Variants in ATP6V1C2 observed in about 807,000 individuals in gnomAD.
The protein encoded by ATP6V1C2 is ATPase H+ transporting V1 subunit C2, also known as V-type proton ATPase subunit C 2.
ATP6V1C2 carries 45 observed loss-of-function variants against 56.8 expected under a neutral mutation model. That is an observed-to-expected ratio of 0.79 (90% CI 0.62 to 1.02). The LOEUF (loss-of-function observed/expected upper bound fraction) is 1.02. Ranked by LOEUF, ATP6V1C2 falls within the 50% of genes least tolerant of loss-of-function variation. The pLI is 0.00. For synonymous variants in ATP6V1C2, 220 were observed against 201.3 expected, an observed-to-expected ratio of 1.09 and a Z score of -0.79; for missense variants, 463 against 519.7, an observed-to-expected ratio of 0.89 and a Z score of 1.06.
chr2:10,755,655 C>T (rs543754121), intron 4 of ATP6V1C2, among the ~76,000 whole-genome samples: 1 of 152,338 alleles, frequency 6.6e-6, no homozygotes, highest in East Asian at 1.9e-4. Flanking sequence ...TGCCCCTCCA[C>T]CCTCTCCAGA....
At chr2:10,777,230 C>G (rs773643813) in intron 10 of ATP6V1C2, among the ~76,000 whole-genome samples, 2 of 152,198 alleles carry the variant, frequency 1.3e-5, no homozygotes, top group African/African-American at 2.4e-5. Flanking sequence ...CTTGACAGAG[C>G]GCAGAGAGCC....
intron 6 of ATP6V1C2, 118 bp from the exon 7 acceptor site, chr2:10,771,720 TC>T: frequency 1.3e-6 from 1 of 763,936 alleles, no homozygotes; most frequent in South Asian, 1.5e-5. Context: ...GGCTCCAGCA[TC>T]CCTGGCACCC....
At position 10,763,688 on chromosome 2, in the gene ATP6V1C2, T is replaced by C. The variant is rs1572576574; in HGVS notation, c.284-643T>C. ...CGGCGTATTAAAAGAGGTCAGGTCCTGGGGCGGCTGGCCCAGGTAGCTCTC... is the reference window on the plus strand; with the variant it reads ...CGGCGTATTAAAAGAGGTCAGGTCCCGGGGCGGCTGGCCCAGGTAGCTCTC... On this transcript the variant is annotated intron_variant, in intron 4 of 13. Coordinates refer to ENST00000272238, the MANE Select transcript of ATP6V1C2 (RefSeq NM_001039362.2). This position sits in a 1 kb window ranked among gnomAD's most constrained non-coding sequence, Gnocchi z 4.2. Among the ~76,000 whole-genome samples, 1 of 152,316 alleles carries C rather than the reference T, an allele frequency of 6.6e-6. No individual in the cohort carries two copies. The highest frequency in any genetic ancestry group is 2.4e-5 in the African/African-American group (1 of 41,578).
intron 8 of ATP6V1C2, 52 bp downstream of exon 8, chr2:10,772,662 G>A: frequency 1.3e-6 from 2 of 1,510,716 alleles, no homozygotes; most frequent in Non-Finnish European, 1.8e-6. Context: ...ATGTGTGGGT[G>A]CTTCAGGGCA....
chr2:10,737,256 A>T (rs1662299188), intron 3 of ATP6V1C2, among the ~76,000 whole-genome samples: 1 of 23,332 alleles, frequency 4.3e-5, no homozygotes. Flanking sequence ...CTCTACTAAA[A>T]ATACAAAAAA....
At position 10,764,694 on chromosome 2, in the gene ATP6V1C2, G is replaced by A. The variant is rs115015929; in HGVS notation, c.378+269G>A. ...TTTTCAAAAGTTACTGATGGTGGCCGGGCACGGTGGCTTACGCCTGTAATC... is the reference window on the plus strand; with the variant it reads ...TTTTCAAAAGTTACTGATGGTGGCCAGGCACGGTGGCTTACGCCTGTAATC... On this transcript the variant is annotated intron_variant, in intron 5 of 13. Transcript: ENST00000272238. Among the ~76,000 whole-genome samples the A allele has an allele frequency of 6.5e-3, 996 of 152,338 alleles. 3 individuals carry two copies. Among genetic ancestry groups the A allele is most frequent in the Non-Finnish European group, 0.011 (725 of 68,036 alleles).
chr2:10,772,184 CATT>C (rs1159539629), intron 7 of ATP6V1C2, among the ~76,000 whole-genome samples: 1 of 152,176 alleles, frequency 6.6e-6, no homozygotes, highest in African/African-American at 2.4e-5. Flanking sequence ...GTGTGGTCGA[CATT>C]ATTTTATTTC....
At chr2:10,747,465 G>T (rs1662982766) in intron 3 of ATP6V1C2, among the ~76,000 whole-genome samples, 1 of 152,028 alleles carries the variant, frequency 6.6e-6, no homozygotes, top group Admixed American at 6.6e-5. Context: ...TAAAAATAAG[G>T]ACATCCTCTT....
chr2:10,770,266 T>C (rs1572596281), intron 6 of ATP6V1C2, among the ~76,000 whole-genome samples: 1 of 151,980 alleles, frequency 6.6e-6, no homozygotes, highest in Non-Finnish European at 1.5e-5. Context: ...TGCGTCATGG[T>C]GCGTGCCTGT....
chr2:10,782,140 G>A (rs1488706502), intron 12 of ATP6V1C2, 103 bp from the exon 13 acceptor site: 4 of 1,383,184 alleles, frequency 2.9e-6, no homozygotes, highest in Middle Eastern at 2.1e-4. Context: ...AGCTGTGTTG[G>A]TTGAAGCTTT....
chr2:10,725,489 A>ATTTTTT (rs371459373), intron 2 of ATP6V1C2, among the ~76,000 whole-genome samples: 7 of 107,150 alleles, frequency 6.5e-5, no homozygotes, highest in East Asian at 3.6e-4. Context: ...CCCAGCAAGA[A>ATTTTTT]TTTTTTTTTT....
intron 3 of ATP6V1C2, among the ~76,000 whole-genome samples, chr2:10,729,283 C>T (rs1661829229): frequency 6.6e-6 from 1 of 151,768 alleles, no homozygotes; most frequent in Non-Finnish European, 1.5e-5. Flanking sequence ...CCTGCCTCAA[C>T]CTCCCGAGTA....
At chr2:10,769,795 G>GAACA (rs1664469651) in intron 6 of ATP6V1C2, among the ~76,000 whole-genome samples, 1 of 152,152 alleles carries the variant, frequency 6.6e-6, no homozygotes, top group African/African-American at 2.4e-5. Flanking sequence ...GGGTGGGGTT[G>GAACA]GCATGGAGGA....
rs1664867212 is a variant in ATP6V1C2, at chr2:10,774,971, T to C, written c.732-7T>C. On this transcript the variant is annotated splice_region_variant and splice_polypyrimidine_tract_variant and intron_variant, in intron 9 of 13. Transcript: ENST00000272238. Reference sequence around the variant, plus strand: ...TGAGTGAAAACCCATGATTTGCTTGTTTTAAGGTTCACTGTTCGTGAATTT... The same window carrying C: ...TGAGTGAAAACCCATGATTTGCTTGCTTTAAGGTTCACTGTTCGTGAATTT... 3 of 1,613,906 alleles carry C rather than the reference T, an allele frequency of 1.9e-6. No individual in the cohort carries two copies. Among genetic ancestry groups the C allele is most frequent in the Admixed American group, 3.3e-5 (2 of 60,032 alleles).
intron 5 of ATP6V1C2, among the ~76,000 whole-genome samples, chr2:10,767,677 C>G (rs1307148159): frequency 6.6e-6 from 1 of 152,146 alleles, no homozygotes; most frequent in African/African-American, 2.4e-5. Flanking sequence ...AGGCTGGTCT[C>G]AAACTCCTGA....
chr2:10,721,190 C>G (rs929111422), upstream of ATP6V1C2, among the ~76,000 whole-genome samples: 1 of 152,182 alleles, frequency 6.6e-6, no homozygotes, highest in Non-Finnish European at 1.5e-5. Context: ...GGCCCTGTCT[C>G]TTGCACTGGC....
At chr2:10,758,544 C>T (rs1663687381) in intron 4 of ATP6V1C2, among the ~76,000 whole-genome samples, 1 of 152,136 alleles carries the variant, frequency 6.6e-6, no homozygotes, top group South Asian at 2.1e-4. Context: ...TGTGGTTGTG[C>T]CTGTCCATAG....
chr2:10,772,643 C>T (rs1664698270), intron 8 of ATP6V1C2, 33 bp downstream of exon 8: 6 of 1,590,426 alleles, frequency 3.8e-6, no homozygotes, highest in African/African-American at 1.3e-5. Context: ...CCCAGGGCCC[C>T]TGGGGTACAT....
At chr2:10,740,586 C>A (rs1333457455) in intron 3 of ATP6V1C2, among the ~76,000 whole-genome samples, 4 of 152,142 alleles carry the variant, frequency 2.6e-5, no homozygotes, top group Non-Finnish European at 5.9e-5. Flanking sequence ...GGGGGATTGC[C>A]CAGTGATTCC....
Sources: allele counts gnomAD v4.1 joint callset (sites outside exome capture counted in the v4.1 genomes callset), GRCh38; gene constraint gnomAD v4.1.1; non-coding constraint Gnocchi (gnomAD v3.1); transcripts MANE v1.5; gene names NCBI Gene and HGNC (gene_info 2026-07-23, HGNC 2026-07-21).